The following ACYP1 variants were observed in gnomAD, a reference collection of about 807,000 sequenced individuals.
ACYP1 encodes acylphosphatase-1.
A neutral mutation model predicts 10.4 loss-of-function variants in ACYP1; 8 were observed. That is an observed-to-expected ratio of 0.77 (90% confidence interval 0.45 to 1.38). The LOEUF (loss-of-function observed/expected upper bound fraction) is 1.38, where lower values mean the gene tolerates loss of function less well. Among genes scored for constraint, ACYP1 ranks in the 40% most tolerant of loss-of-function variants. ACYP1 has a pLI of 0.00. For synonymous variants in ACYP1, 38 were observed against 40.8 expected, an observed-to-expected ratio of 0.93 and a Z score of 0.26; for missense variants, 93 against 117.3, an observed-to-expected ratio of 0.79 and a Z score of 0.96.
At chr14:75,056,139 A>G (rs1240395083) in intron 2 of ACYP1, among the ~76,000 whole-genome samples, 1 of 151,452 alleles carries the variant, frequency 6.6e-6, no homozygotes, top group East Asian at 1.9e-4. Flanking sequence ...CTTCCCACAG[A>G]TAAAAAGCCC....
At chr14:75,056,998 T>C (rs1327127539) in intron 2 of ACYP1, among the ~76,000 whole-genome samples, 1 of 151,542 alleles carries the variant, frequency 6.6e-6, no homozygotes, top group African/African-American at 2.4e-5. Context: ...CTCAATATTA[T>C]ACTTGAGGGT....
chr14:75,065,484 T>C (rs1036130551), upstream of ACYP1, among the ~76,000 whole-genome samples: 1 of 152,242 alleles, frequency 6.6e-6, no homozygotes, highest in African/African-American at 2.4e-5. Flanking sequence ...AAATAGAGTA[T>C]CTTGCTAATG....
At chr14:75,064,189 T>C (rs1893103156), upstream of ACYP1, 1 of 217,954 alleles carries the variant, frequency 4.6e-6, no homozygotes, top group Admixed American at 6.4e-5. Flanking sequence ...GGGTTGGGGA[T>C]CTGTCCAGGA....
At chr14:75,059,124 T>A (rs1892955902) in intron 2 of ACYP1, among the ~76,000 whole-genome samples, 1 of 142,240 alleles carries the variant, frequency 7.0e-6, no homozygotes, top group South Asian at 2.2e-4. Context: ...GGCGGAAGGT[T>A]GCAGTGAGCC....
At chr14:75,065,293 A>G (rs1893124075), upstream of ACYP1, among the ~76,000 whole-genome samples, 2 of 152,234 alleles carry the variant, frequency 1.3e-5, no homozygotes, top group African/African-American at 4.8e-5. Context: ...AGGTTGGCAG[A>G]CTTGACAATG....
rs149921741 is a variant in ACYP1 at position 75,062,448 on chromosome 14, T to C, written c.84+1022A>G. 6.3e-4 allele frequency among the ~76,000 whole-genome samples: 95 copies of C among 151,770 alleles called. 1 individual carries two copies. The highest frequency in any genetic ancestry group is 2.2e-3 in the African/African-American group (92 of 41,408). On this transcript the variant is annotated intron_variant, in intron 2 of 2. Transcript: ENST00000238618. Reference sequence around the variant, plus strand: ...AAGAGGTATTGACAATTCACATTCATGTTTCAAAGATTCCTTCCAGGTTAG... The same window carrying C: ...AAGAGGTATTGACAATTCACATTCACGTTTCAAAGATTCCTTCCAGGTTAG...
upstream of ACYP1, among the ~76,000 whole-genome samples, chr14:75,067,226 C>CATAT (rs370914503): frequency 2.8e-5 from 4 of 142,756 alleles, no homozygotes; most frequent in Non-Finnish European, 6.2e-5. Flanking sequence ...CACACACACA[C>CATAT]ATATATATGA....
Position 75,069,243 on chromosome 14 carries a change from GA to G in ACYP1, c.48del (p.Leu17SerfsTer13). ...CGCCCAGCGCAGCCGAGCGCGCGGA[GA>G]AAGGCCAGCAGCAGCCCCGCTCCCG... On this transcript the variant is annotated frameshift_variant, in exon 1 of 3. Transcript: ENST00000555463. LOFTEE classifies it high-confidence loss of function. 6.7e-7 allele frequency: 1 copy of G among 1,501,660 alleles called. No homozygotes were observed. The highest frequency in any genetic ancestry group is 2.2e-5 in the Admixed American group (1 of 44,844). 93.0% of individuals were successfully genotyped at this position (1,501,660 alleles called of 1,614,324 possible).
chr14:75,067,157 C>T (rs980752910), upstream of ACYP1, among the ~76,000 whole-genome samples: 3 of 148,994 alleles, frequency 2.0e-5, no homozygotes, highest in South Asian at 4.3e-4. Flanking sequence ...TGGTTGAAAT[C>T]ATTAAAGAAG....
In ACYP1 at chr14:75,063,338, C is replaced by G. The variant is rs75948138; in HGVS notation, c.84+132G>C. 5,511 of 697,576 alleles carry G rather than the reference C, an allele frequency of 7.9e-3. 38 individuals are homozygous for G. The highest frequency in any genetic ancestry group is 0.011 in the Non-Finnish European group (4,233 of 388,322). 43.2% of individuals were successfully genotyped at this position (697,576 alleles called of 1,614,324 possible). A position where few individuals can be genotyped will look rare whatever the true frequency, so the allele number is the denominator to read the frequency against. The stretch of plus-strand genomic sequence containing the variant: ...TTGCACAGCATTTTCATACTCATTG[C>G]TCTACAAACTACCTCTTTGCCATGC... On this transcript the variant is annotated intron_variant, in intron 2 of 2. Transcript: ENST00000238618.
intron 2 of ACYP1, among the ~76,000 whole-genome samples, chr14:75,057,255 G>T (rs903271783): frequency 1.3e-5 from 2 of 151,348 alleles, no homozygotes; most frequent in African/African-American, 4.9e-5. Flanking sequence ...ATTTATAATA[G>T]CATCAAAAAG....
chr14:75,069,330 C>T (rs1260105664), exon 1 of ACYP1: 1 of 1,393,380 alleles, frequency 7.2e-7, no homozygotes, highest in Non-Finnish European at 9.3e-7. Context: ...CCAGGGCCTC[C>T]GCCCTTTGCC....
intron 2 of ACYP1, among the ~76,000 whole-genome samples, chr14:75,061,494 A>G (rs1378572642): frequency 1.3e-5 from 2 of 152,218 alleles, no homozygotes; most frequent in Admixed American, 6.5e-5. Context: ...GAAAAAATAG[A>G]TGTCATTTTA....
intron 2 of ACYP1, among the ~76,000 whole-genome samples, chr14:75,058,444 C>T (rs540672263): frequency 1.1e-3 from 162 of 150,948 alleles, no homozygotes; most frequent in Non-Finnish European, 1.5e-3. Flanking sequence ...AACAAGACTC[C>T]GTTTCAAAAA....
chr14:75,064,108 C>T (rs1052684420), upstream of ACYP1: 3 of 897,450 alleles, frequency 3.3e-6, no homozygotes, highest in African/African-American at 1.8e-5. Flanking sequence ...CAATCAGAGA[C>T]GGCGCCTCGG....
chr14:75,064,214 C>G (rs918005994), upstream of ACYP1: 3 of 160,656 alleles, frequency 1.9e-5, no homozygotes, highest in Non-Finnish European at 4.0e-5. Context: ...GGCTGGGCCT[C>G]CACAAACCTA....
upstream of ACYP1, among the ~76,000 whole-genome samples, chr14:75,067,157 C>A (rs980752910): frequency 1.7e-4 from 25 of 148,994 alleles, 1 homozygote. Context: ...TGGTTGAAAT[C>A]ATTAAAGAAG....
intron 2 of ACYP1, among the ~76,000 whole-genome samples, chr14:75,060,990 C>A (rs185713844): frequency 2.0e-5 from 3 of 152,122 alleles, no homozygotes; most frequent in Admixed American, 2.0e-4. Flanking sequence ...TCACTTGAAC[C>A]CAGGAGGCAG....
At chr14:75,058,036 T>C (rs1382362894) in intron 2 of ACYP1, among the ~76,000 whole-genome samples, 1 of 148,114 alleles carries the variant, frequency 6.8e-6, no homozygotes, top group African/African-American at 2.5e-5. Context: ...GAGGTTTATT[T>C]GACTCATGAT....
Sources: gnomAD v4.1 joint callset for allele counts (sites outside exome capture counted in the v4.1 genomes callset) on GRCh38, gnomAD v4.1.1 for gene constraint, MANE v1.5 for transcripts, NCBI Gene and HGNC (gene_info 2026-07-23, HGNC 2026-07-21) for gene names.